SLC25A48: variants seen among roughly 807,000 people sequenced by gnomAD.
SLC25A48 encodes solute carrier family 25 member 48.
Under a neutral mutation model 32.2 loss-of-function variants are expected in SLC25A48, and 29 were observed. That is an observed-to-expected ratio of 0.90 (90% CI 0.67 to 1.23). The LOEUF is 1.23. Among genes scored for constraint, SLC25A48 ranks in the 50% most tolerant of loss-of-function variants. The pLI is 0.00. For missense variants in SLC25A48, 399 were observed against 422.7 expected, an observed-to-expected ratio of 0.94 and a Z score of 0.49; for synonymous variants, 164 against 172.3, an observed-to-expected ratio of 0.95 and a Z score of 0.38.
chr5:135,838,252 G>A (rs1267490684), intron 1 of SLC25A48, among the ~76,000 whole-genome samples: 4 of 152,214 alleles, frequency 2.6e-5, no homozygotes, highest in African/African-American at 4.8e-5. Flanking sequence ...TTACTAAGCA[G>A]CAAAGCATTC....
chr5:135,691,993 TTG>T (rs1215719735), intron 3 of SLC25A48, among the ~76,000 whole-genome samples: 4 of 151,902 alleles, frequency 2.6e-5, no homozygotes, highest in African/African-American at 9.7e-5. Flanking sequence ...GCTACGTGAG[TTG>T]TGTTCTTCAA....
rs34277772 is a variant in SLC25A48 at position 135,780,160 on chromosome 5, C to CTTTT, written c.-520-32341_-520-32338dup. Among the ~76,000 whole-genome samples the CTTTT allele has an allele frequency of 8.5e-4, 33 of 38,838 alleles. 2 individuals carry two copies. Among genetic ancestry groups the CTTTT allele is most frequent in the Non-Finnish European group, 1.2e-3 (17 of 14,610 alleles). 25.5% of individuals were successfully genotyped at this position (38,838 alleles called of 152,430 possible). A position where few individuals can be genotyped will look rare whatever the true frequency, so the allele number is the denominator to read the frequency against. Reference sequence around the variant, plus strand: ...CGTGCCTGTGTTATTGTTTCTTCGTCTTTTTTTTTTTTTTTTTTTTTTTTT... The same window carrying CTTTT: ...CGTGCCTGTGTTATTGTTTCTTCGTCTTTTTTTTTTTTTTTTTTTTTTTTTTTTT... On this transcript the variant is annotated intron_variant, in intron 3 of 10. Transcript: ENST00000646290.
chr5:135,713,507 A>G (rs1479751276), intron 3 of SLC25A48, among the ~76,000 whole-genome samples: 3 of 152,196 alleles, frequency 2.0e-5, no homozygotes, highest in Non-Finnish European at 4.4e-5. Context: ...AGAACCTCCA[A>G]AAGAGACAGG....
At chr5:135,750,924 GAGA>G (rs1755755911) in intron 3 of SLC25A48, among the ~76,000 whole-genome samples, 2 of 152,332 alleles carry the variant, frequency 1.3e-5, no homozygotes, top group South Asian at 4.1e-4. Flanking sequence ...CAATCACTAG[GAGA>G]AGGTCTGGGT....
chr5:135,682,153 G>C (rs4374754), intron 3 of SLC25A48, among the ~76,000 whole-genome samples: 120,623 of 152,116 alleles, frequency 0.79, 48,182 homozygotes, highest in Middle Eastern at 0.89. Context: ...GATTCCCCCT[G>C]TCTGCTATGG....
At chr5:135,847,063 C>T (rs926441956) in intron 2 of SLC25A48, among the ~76,000 whole-genome samples, 7 of 152,238 alleles carry the variant, frequency 4.6e-5, no homozygotes, top group African/African-American at 9.6e-5. Flanking sequence ...CCAGGAGAGA[C>T]GAGAAAGATA....
At chr5:135,767,476 C>T (rs1756272470) in intron 3 of SLC25A48, among the ~76,000 whole-genome samples, 1 of 151,796 alleles carries the variant, frequency 6.6e-6, no homozygotes, top group South Asian at 2.1e-4. Flanking sequence ...GGAGTGTACA[C>T]CCCCTGGTGA....
chr5:135,631,327 G>C (rs903079877), intron 2 of SLC25A48, among the ~76,000 whole-genome samples: 2 of 152,200 alleles, frequency 1.3e-5, no homozygotes, highest in African/African-American at 4.8e-5. Flanking sequence ...TTAATGGACT[G>C]ATGTGTTTCC....
At chr5:135,639,668 A>G (rs1210718378) in intron 3 of SLC25A48, among the ~76,000 whole-genome samples, 1 of 152,236 alleles carries the variant, frequency 6.6e-6, no homozygotes, top group Non-Finnish European at 1.5e-5. Flanking sequence ...TGGAAAGGTC[A>G]TGTATTAGGA....
At chr5:135,715,851 G>A (rs1327685995) in intron 3 of SLC25A48, among the ~76,000 whole-genome samples, 1 of 152,188 alleles carries the variant, frequency 6.6e-6, no homozygotes, top group Non-Finnish European at 1.5e-5. Flanking sequence ...GACCTGGCTT[G>A]ACCAAGGTGT....
intron 3 of SLC25A48, among the ~76,000 whole-genome samples, chr5:135,705,984 T>A (rs1754498836): frequency 6.6e-6 from 1 of 152,104 alleles, no homozygotes; most frequent in South Asian, 2.1e-4. Flanking sequence ...TTCTCAAGAG[T>A]CTCTCACCTG....
chr5:135,622,766 T>C (rs1426871677), intron 1 of SLC25A48, among the ~76,000 whole-genome samples: 1 of 152,234 alleles, frequency 6.6e-6, no homozygotes, highest in East Asian at 1.9e-4. Context: ...ACATTTGTAA[T>C]GATAACATGT....
chr5:135,871,690 T>C lies in SLC25A48; in HGVS notation c.651T>C (p.Cys217=), dbSNP rs1761660577. The change falls in exon 5 of 8, where the codon TGT becomes TGC. Residue 217 remains cysteine, a synonymous_variant. Coordinates refer to ENST00000681962, the MANE Select transcript of SLC25A48 (RefSeq NM_001349336.2). Reference sequence around the variant, plus strand: ...AGGCCTGCACAGGCCCCAGCCCCTGTGCCGTGTGGCTGGCGGGCGGCATGG... The same window carrying C: ...AGGCCTGCACAGGCCCCAGCCCCTGCGCCGTGTGGCTGGCGGGCGGCATGG... ...TPEACTGPSP[C]AVWLAGGMAG... is the part of the protein sequence containing the mutation. The C allele has an allele frequency of 1.2e-6, 2 of 1,613,718 alleles. No individual in the cohort carries two copies.
intron 1 of SLC25A48, among the ~76,000 whole-genome samples, chr5:135,842,117 T>A (rs915408138): frequency 2.6e-5 from 4 of 152,210 alleles, no homozygotes; most frequent in Non-Finnish European, 4.4e-5. Context: ...TATTTTGATT[T>A]AATTTTGTAT....
rs1276119314 is a variant in SLC25A48, at chr5:135,834,671, A to G, written c.-177A>G. The G allele has an allele frequency of 6.3e-6, 4 of 630,076 alleles. No homozygotes were observed. Among genetic ancestry groups the G allele is most frequent in the African/African-American group, 3.8e-5 (2 of 53,302 alleles). The allele number at this position is 630,076 out of a possible 1,614,324, so 39.0% of individuals were successfully genotyped here. ...GTCAGCCGCCCTCCGGCACTTGGAGAGGTGAGCGCGGCAGCCCGCGCAGCC... is the reference window on the plus strand; with the variant it reads ...GTCAGCCGCCCTCCGGCACTTGGAGGGGTGAGCGCGGCAGCCCGCGCAGCC... On this transcript the variant is annotated 5_prime_UTR_variant, in exon 1 of 8. Coordinates refer to ENST00000681962, the MANE Select transcript of SLC25A48 (RefSeq NM_001349336.2).
intron 4 of SLC25A48, among the ~76,000 whole-genome samples, chr5:135,856,993 C>T (rs1278745936): frequency 2.6e-5 from 4 of 152,310 alleles, no homozygotes; most frequent in South Asian, 2.1e-4. Flanking sequence ...GAAGCAGCCC[C>T]GCCTCCTTTA....
intron 2 of SLC25A48, among the ~76,000 whole-genome samples, chr5:135,630,186 C>A (rs191387617): frequency 6.6e-6 from 1 of 152,154 alleles, no homozygotes; most frequent in African/African-American, 2.4e-5. Flanking sequence ...TGATGTGGAG[C>A]CTGTCTGGAC....
At chr5:135,606,334 A>G (rs1183126984) in intron 1 of SLC25A48, among the ~76,000 whole-genome samples, 1 of 152,238 alleles carries the variant, frequency 6.6e-6, no homozygotes, top group Non-Finnish European at 1.5e-5. Flanking sequence ...ATAGTTTACT[A>G]GGATCTGATT....
chr5:135,739,777 CTTCT>C (rs142379747), intron 3 of SLC25A48, among the ~76,000 whole-genome samples: 1,774 of 152,122 alleles, frequency 0.012, 17 homozygotes, highest in Non-Finnish European at 0.02. Context: ...TAAATGCTGA[CTTCT>C]TTTTTTTTTT....
Sources: allele counts gnomAD v4.1 joint callset (sites outside exome capture counted in the v4.1 genomes callset), GRCh38; gene constraint gnomAD v4.1.1; transcripts MANE v1.5; gene names NCBI Gene and HGNC (gene_info 2026-07-23, HGNC 2026-07-21).